DOCK1: variants seen among roughly 807,000 people sequenced by gnomAD.
DOCK1 encodes dedicator of cytokinesis protein 1.
DOCK1 carries 138 observed loss-of-function variants against 262.7 expected under a neutral mutation model. The observed-to-expected ratio is 0.53, with a 90% CI of 0.46 to 0.61. DOCK1 has a LOEUF of 0.61. DOCK1 is among the 20% of genes least tolerant of loss of function. The probability of loss-of-function intolerance (pLI) is 0.00; values close to 1 mark genes in which losing one functional copy is unlikely to be tolerated. For synonymous variants in DOCK1, 866 were observed against 867.4 expected, an observed-to-expected ratio of 1.00 and a Z score of 0.03; for missense variants, 1,908 against 2,370.7, an observed-to-expected ratio of 0.80 and a Z score of 4.05.
intron 1 of DOCK1, among the ~76,000 whole-genome samples, chr10:126,923,025 C>T (rs1057389040): frequency 2.0e-5 from 3 of 152,178 alleles, no homozygotes; most frequent in Non-Finnish European, 4.4e-5. Flanking sequence ...AGGAGAATTG[C>T]TTCAGCCCGG....
At chr10:127,414,859 A>G (rs1305081991) in intron 43 of DOCK1, among the ~76,000 whole-genome samples, 2 of 152,216 alleles carry the variant, frequency 1.3e-5, no homozygotes, top group Admixed American at 1.3e-4. Context: ...ATTTTGGAGT[A>G]TACACATCTT....
At chr10:127,070,326 T>C (rs997689427) in intron 23 of DOCK1, among the ~76,000 whole-genome samples, 1 of 134,304 alleles carries the variant, frequency 7.4e-6, no homozygotes, top group Non-Finnish European at 1.5e-5. Context: ...TGATCTCGGC[T>C]CACTGCAACC....
At chr10:127,411,405 T>G (rs1252584105) in intron 43 of DOCK1, among the ~76,000 whole-genome samples, 1 of 152,066 alleles carries the variant, frequency 6.6e-6, no homozygotes, top group Non-Finnish European at 1.5e-5. Context: ...AACTGCAGGG[T>G]TGACCCCAGC....
At chr10:127,007,034 A>G (rs1199003759) in intron 10 of DOCK1, among the ~76,000 whole-genome samples, 2 of 152,212 alleles carry the variant, frequency 1.3e-5, no homozygotes, top group East Asian at 3.9e-4. Flanking sequence ...GTCACCCCCA[A>G]GAGTGCTGGA....
In DOCK1 at chr10:127,061,727, C is replaced by A; in HGVS notation, c.2396C>A (p.Ser799Tyr). 1 of 1,597,542 alleles carries A rather than the reference C, an allele frequency of 6.3e-7. No homozygotes were observed. The highest frequency in any genetic ancestry group is 8.5e-7 in the Non-Finnish European group (1 of 1,171,950). The change falls in exon 23 of 52, where the codon TCC becomes TAC. Residue 799 changes from serine to tyrosine, a missense_variant. Physicochemically the swap from Ser to Tyr is moderately radical, Grantham distance 144. This residue lies in a region of DOCK1 where 518 missense variants were observed against 575.1 expected (regional missense o/e 0.90). Transcript: ENST00000623213. ...FVESLLQLFR[S>Y]INDMMSSMSD... ...GAATCTTTGCTGCAGCTCTTCAGGT[C>A]CATCAATGACATGATGAGCAGCATG...
chr10:127,425,988 A>G lies in DOCK1; in HGVS notation c.4891A>G (p.Lys1631Glu). The change falls in exon 47 of 52, where the codon AAA (lysine) becomes GAA (glutamate). Residue 1631 changes from lysine to glutamate, a missense_variant. Physicochemically the swap from Lys to Glu is moderately conservative, Grantham distance 56. Coordinates refer to ENST00000623213, the MANE Select transcript of DOCK1 (RefSeq NM_001290223.2). ...CFKQLKEKVE[K>E]EYGVRIMPSS... ...CAAACAGCTGAAGGAAAAGGTGGAG[A>G]AAGAGTACGGCGTCCGAATCATGGT... 1 of 1,614,024 alleles carries G rather than the reference A, an allele frequency of 6.2e-7. No individual in the cohort carries two copies. Among genetic ancestry groups the G allele is most frequent in the Middle Eastern group, 1.7e-4 (1 of 6,060 alleles).
At chr10:127,095,866 C>A (rs924342775) in intron 23 of DOCK1, among the ~76,000 whole-genome samples, 53 of 152,222 alleles carry the variant, frequency 3.5e-4, no homozygotes, top group African/African-American at 1.2e-3. Context: ...ACTGAAGAAT[C>A]TCAGGAAGTT....
rs1026633461 is a variant in DOCK1, at chr10:127,374,139, A to T, written c.3600A>T (p.Glu1200Asp). ...TFVKLVVRLM[E>D]RLLDYRTIMH... ...TAAAACTCGTTGTGCGCTTAATGGA[A>T]AGGCTTTTGGATTATAGAACCATCA... Residue 1200 changes from glutamate (E) to aspartate (D), a missense_variant, in exon 35 of 52, where the codon GAA becomes GAT. Physicochemically the swap from Glu to Asp is conservative, Grantham distance 45. Transcript: ENST00000623213. 2 of 1,613,878 alleles carry T rather than the reference A, an allele frequency of 1.2e-6. No individual in the cohort carries two copies. The highest frequency in any genetic ancestry group is 2.7e-5 in the African/African-American group (2 of 75,056).
intron 23 of DOCK1, among the ~76,000 whole-genome samples, chr10:127,093,239 C>CTTTCTTTTCTTTTCTTTCTTTCT (rs372397425): frequency 6.4e-5 from 6 of 94,260 alleles, no homozygotes; most frequent in African/African-American, 2.4e-4. Context: ...TTCTTTCTTT[C>CTTTCTTTTCTTTTCTTTCTTTCT]TTCTTTTTTT....
At chr10:126,980,372 T>A (rs2038869302) in intron 3 of DOCK1, among the ~76,000 whole-genome samples, 1 of 151,878 alleles carries the variant, frequency 6.6e-6, no homozygotes, top group African/African-American at 2.4e-5. Flanking sequence ...GTAAAAAAAA[T>A]TTCGGCAGTG....
chr10:127,103,371 C>A (rs2048361664), intron 23 of DOCK1, among the ~76,000 whole-genome samples: 1 of 152,180 alleles, frequency 6.6e-6, no homozygotes, highest in Admixed American at 6.5e-5. Context: ...GAGGAAACCT[C>A]ATATTGTCTG....
intron 29 of DOCK1, among the ~76,000 whole-genome samples, chr10:127,298,535 C>G (rs1210590996): frequency 3.9e-5 from 6 of 152,136 alleles, no homozygotes; most frequent in Non-Finnish European, 4.4e-5. Context: ...CATTGTCAAC[C>G]AGAAAGAATT....
intron 27 of DOCK1, among the ~76,000 whole-genome samples, chr10:127,138,858 A>T (rs1373401208): frequency 6.6e-6 from 1 of 152,190 alleles, no homozygotes; most frequent in East Asian, 1.9e-4. Context: ...ACTTGTCTAG[A>T]GCCCTCTCGT....
At chr10:127,250,346 C>T (rs558820962) in intron 28 of DOCK1, among the ~76,000 whole-genome samples, 2 of 152,294 alleles carry the variant, frequency 1.3e-5, no homozygotes, top group South Asian at 2.1e-4. Flanking sequence ...CTGTAGCTTG[C>T]TGAATTCCAA....
intron 1 of DOCK1, among the ~76,000 whole-genome samples, chr10:126,955,311 A>T (rs988769377): frequency 2.6e-4 from 39 of 152,242 alleles, no homozygotes; most frequent in Middle Eastern, 3.4e-3. Context: ...CTTTTTGTAG[A>T]GAAGGGGTTT....
chr10:127,206,892 A>T (rs2057748620), intron 27 of DOCK1, among the ~76,000 whole-genome samples: 1 of 152,168 alleles, frequency 6.6e-6, no homozygotes, highest in South Asian at 2.1e-4. Context: ...AGTACGTCTG[A>T]AGGTCTTTTT....
chr10:127,236,279 A>C (rs1191833925), intron 27 of DOCK1, among the ~76,000 whole-genome samples: 1 of 151,868 alleles, frequency 6.6e-6, no homozygotes. Context: ...ATTTTGAGTC[A>C]ATTTTTGTAT....
Position 127,451,761 on chromosome 10 carries a change from C to T in DOCK1, c.*334C>T, listed in dbSNP as rs1402188533. 2.9e-6 allele frequency: 1 copy of T among 343,750 alleles called. No individual in the cohort carries two copies. The highest frequency in any genetic ancestry group is 5.4e-6 in the Non-Finnish European group (1 of 185,006). 21.3% of individuals were successfully genotyped at this position (343,750 alleles called of 1,614,324 possible). On this transcript the variant is annotated 3_prime_UTR_variant, in exon 52 of 52. Transcript: ENST00000623213. ...CCAAATGACTTGCATTTGCAAAGAG[C>T]TCAATTGCTCTGAGCTCAGCCAAGT... is the stretch of plus-strand genomic sequence containing the variant.
chr10:127,258,414 G>A (rs1377620803), intron 29 of DOCK1, among the ~76,000 whole-genome samples: 1 of 152,198 alleles, frequency 6.6e-6, no homozygotes, highest in African/African-American at 2.4e-5. Context: ...CTTTCAGCAT[G>A]GCTGTTTTCA....
Sources: gnomAD v4.1 joint callset for allele counts (sites outside exome capture counted in the v4.1 genomes callset) on GRCh38, gnomAD v4.1.1 for gene constraint, gnomAD v4.1.1 regional missense constraint, MANE v1.5 for transcripts, NCBI Gene and HGNC (gene_info 2026-07-23, HGNC 2026-07-21) for gene names.